The following SMC5 variants were observed in gnomAD, a reference collection of about 807,000 sequenced individuals.
SMC5 encodes structural maintenance of chromosomes 5, also known as structural maintenance of chromosomes protein 5.
SMC5 carries 88 observed loss-of-function variants against 148.3 expected under a neutral mutation model. The observed-to-expected ratio is 0.59, with a 90% confidence interval of 0.50 to 0.71. The LOEUF is 0.71. SMC5 is among the 30% of genes least tolerant of loss of function. The probability of loss-of-function intolerance (pLI) is 0.00; values close to 1 mark genes in which losing one functional copy is unlikely to be tolerated. For synonymous variants in SMC5, 421 were observed against 432.8 expected (o/e 0.97, Z 0.34); for missense variants, 1,142 against 1,298.9 (o/e 0.88, Z 1.86).
intron 3 of SMC5, among the ~76,000 whole-genome samples, chr9:70,276,720 A>T (rs1325977433): frequency 6.6e-6 from 1 of 152,212 alleles, no homozygotes; most frequent in African/African-American, 2.4e-5. Context: ...TACTTCTAAA[A>T]GCGAGAAATA....
chr9:70,274,709 G>T (rs2034541510), intron 3 of SMC5, among the ~76,000 whole-genome samples: 1 of 151,504 alleles, frequency 6.6e-6, no homozygotes, highest in Non-Finnish European at 1.5e-5. Flanking sequence ...TTGGATATTT[G>T]TTTCATTTTT....
At chr9:70,337,849 T>TG (rs1430154911) in intron 17 of SMC5, among the ~76,000 whole-genome samples, 8 of 75,956 alleles carry the variant, frequency 1.1e-4, no homozygotes, top group Non-Finnish European at 2.5e-4. Context: ...AGTGAATTAC[T>TG]AATTTTTTTT....
At chr9:70,286,033 C>A (rs1337990543) in intron 7 of SMC5, among the ~76,000 whole-genome samples, 167 bp from the exon 8 acceptor site, 1 of 152,084 alleles carries the variant, frequency 6.6e-6, no homozygotes, top group Non-Finnish European at 1.5e-5. Flanking sequence ...TAGGAATAAC[C>A]TTTTATAGAC....
intron 17 of SMC5, among the ~76,000 whole-genome samples, chr9:70,342,122 A>G (rs934200751): frequency 1.3e-5 from 2 of 151,558 alleles, no homozygotes; most frequent in African/African-American, 4.9e-5. Context: ...CATCATTCTC[A>G]GTAATCTATC....
chr9:70,333,006 C>T (rs1164691120), intron 17 of SMC5, among the ~76,000 whole-genome samples: 1 of 152,142 alleles, frequency 6.6e-6, no homozygotes, highest in Non-Finnish European at 1.5e-5. Flanking sequence ...TGTCCCCTTA[C>T]AACTGGGGAC....
chr9:70,345,502 C>A (rs895069427), intron 18 of SMC5, among the ~76,000 whole-genome samples: 2 of 151,862 alleles, frequency 1.3e-5, no homozygotes, highest in African/African-American at 4.8e-5. Flanking sequence ...TTATAACAGT[C>A]CTGAATGAAG....
chr9:70,326,242 T>A (rs2036071800), intron 17 of SMC5, among the ~76,000 whole-genome samples: 1 of 152,152 alleles, frequency 6.6e-6, no homozygotes, highest in South Asian at 2.1e-4. Flanking sequence ...GCAAGGGATC[T>A]TTTTGGTGAT....
intron 2 of SMC5, among the ~76,000 whole-genome samples, chr9:70,264,819 C>G (rs557474107): frequency 6.6e-6 from 1 of 152,190 alleles, no homozygotes; most frequent in South Asian, 2.1e-4. Flanking sequence ...ACAATTTTGT[C>G]ATTGTGTGAA....
chr9:70,345,580 G>A (rs1252462960), intron 18 of SMC5, among the ~76,000 whole-genome samples: 5 of 151,874 alleles, frequency 3.3e-5, no homozygotes, highest in African/African-American at 9.7e-5. Flanking sequence ...CTCAGACAAC[G>A]CCCAAGACAG....
At chr9:70,273,661 T>A (rs1459162560) in intron 3 of SMC5, among the ~76,000 whole-genome samples, 1 of 152,168 alleles carries the variant, frequency 6.6e-6, no homozygotes, top group Non-Finnish European at 1.5e-5. Flanking sequence ...GTATTTACTG[T>A]TTTTCAGTTC....
intron 2 of SMC5, 137 bp downstream of exon 2, chr9:70,264,582 A>G: frequency 1.3e-6 from 1 of 745,520 alleles, no homozygotes. Context: ...TGGCAGGTAG[A>G]GAAGCTAGAA....
chr9:70,259,799 A>G (rs966752803), intron 1 of SMC5, among the ~76,000 whole-genome samples: 1 of 152,140 alleles, frequency 6.6e-6, no homozygotes, highest in Non-Finnish European at 1.5e-5. Context: ...CCTTGACCCC[A>G]CTAAACCCAG....
intron 11 of SMC5, among the ~76,000 whole-genome samples, 162 bp downstream of exon 11, chr9:70,305,522 G>T (rs112714365): frequency 2.0e-4 from 31 of 152,266 alleles, no homozygotes; most frequent in Middle Eastern, 3.4e-3. Context: ...TTATGGCATT[G>T]TGGGTCAATT....
At chr9:70,318,425 C>T in intron 13 of SMC5, 89 bp from the exon 14 acceptor site, 4 of 1,119,082 alleles carry the variant, frequency 3.6e-6, no homozygotes, top group South Asian at 2.2e-5. Flanking sequence ...TTTGATCTTC[C>T]AAAATTCACT....
intron 17 of SMC5, 32 bp from the exon 18 acceptor site, chr9:70,344,112 A>T: frequency 2.2e-6 from 3 of 1,380,476 alleles, no homozygotes; most frequent in Non-Finnish European, 2.9e-6. Context: ...TAACATTAAC[A>T]TTCAAATTTT....
chr9:70,339,424 G>A (rs1193868820), intron 17 of SMC5, among the ~76,000 whole-genome samples: 12 of 147,108 alleles, frequency 8.2e-5, no homozygotes, highest in Admixed American at 2.0e-4. Context: ...GCGAGACTCC[G>A]TCTCAAAAAA....
intron 10 of SMC5, among the ~76,000 whole-genome samples, chr9:70,301,268 G>C (rs1191781471): frequency 6.6e-6 from 1 of 152,182 alleles, no homozygotes; most frequent in Non-Finnish European, 1.5e-5. Context: ...CTTCAGAACT[G>C]TATTAGATTT....
At chr9:70,260,420 A>AAGCTTGC (rs2034084097) in intron 1 of SMC5, among the ~76,000 whole-genome samples, 1 of 151,844 alleles carries the variant, frequency 6.6e-6, no homozygotes, top group African/African-American at 2.4e-5. Flanking sequence ...AGTCTTTTTA[A>AAGCTTGC]AGCTTGCACA....
intron 3 of SMC5, among the ~76,000 whole-genome samples, chr9:70,275,713 T>C (rs902301217): frequency 3.3e-5 from 5 of 152,174 alleles, no homozygotes; most frequent in African/African-American, 9.6e-5. Flanking sequence ...ATTTCTTTTT[T>C]TAAGTATGTT....
Sources: allele counts gnomAD v4.1 joint callset (sites outside exome capture counted in the v4.1 genomes callset), GRCh38; gene constraint gnomAD v4.1.1; transcripts MANE v1.5; gene names NCBI Gene and HGNC (gene_info 2026-07-23, HGNC 2026-07-21).